The following NAALADL2 variants were observed in gnomAD, a reference collection of about 807,000 sequenced individuals.
NAALADL2 encodes the protein inactive N-acetylated-alpha-linked acidic dipeptidase-like protein 2.
A neutral mutation model predicts 87.2 loss-of-function variants in NAALADL2; 76 were observed. The observed-to-expected ratio is 0.87, with a 90% confidence interval of 0.72 to 1.05. The LOEUF is 1.05. Ranked by LOEUF, NAALADL2 falls within the 50% of genes least tolerant of loss-of-function variation. NAALADL2 has a pLI of 0.00. For missense variants in NAALADL2, 1,089 were observed against 945.8 expected, an observed-to-expected ratio of 1.15 and a Z score of -1.99; for synonymous variants, 354 against 331.0, an observed-to-expected ratio of 1.07 and a Z score of -0.75.
intron 1 of NAALADL2, among the ~76,000 whole-genome samples, chr3:174,486,940 T>C (rs565094087): frequency 1.3e-5 from 2 of 152,124 alleles, no homozygotes; most frequent in Non-Finnish European, 2.9e-5. Flanking sequence ...CACCTTCTTA[T>C]GCCCAACTTT....
At chr3:175,463,588 T>C in intron 7 of NAALADL2, 95 bp downstream of exon 7, 1 of 646,516 alleles carries the variant, frequency 1.5e-6, no homozygotes, top group Non-Finnish European at 2.4e-6. Context: ...AATATCCTAC[T>C]TGAGATATAA....
intron 4 of NAALADL2, among the ~76,000 whole-genome samples, chr3:175,310,350 A>G (rs1167090093): frequency 6.6e-6 from 1 of 152,040 alleles, no homozygotes; most frequent in Admixed American, 6.6e-5. Context: ...TTTATATATA[A>G]GAAAATTGGA....
intron 1 of NAALADL2, among the ~76,000 whole-genome samples, chr3:174,969,178 A>G (rs918961972): frequency 2.0e-5 from 3 of 151,980 alleles, no homozygotes; most frequent in African/African-American, 7.2e-5. Flanking sequence ...ACTTCATTTT[A>G]TTTCCCAGAG....
At chr3:175,068,565 G>A (rs73883329) in intron 1 of NAALADL2, among the ~76,000 whole-genome samples, 4,120 of 152,160 alleles carry the variant, frequency 0.027, 191 homozygotes, top group African/African-American at 0.095. Context: ...TTGGGAGGAC[G>A]TCTCTTGGGG....
In NAALADL2 at chr3:175,111,656, G is replaced by A. The variant is rs192174937; in HGVS notation, c.545+14365G>A. ...CTAAAGCAAAGGCTCAGACTTCAGC[G>A]GTGGTCTACACATGCCCTTAGCACA... On this transcript the variant is annotated intron_variant, in intron 2 of 13. Transcript: ENST00000454872. Among the ~76,000 whole-genome samples, 28 of 151,722 alleles carry A rather than the reference G, an allele frequency of 1.8e-4. 2 individuals are homozygous for A. In the East Asian group the frequency reaches 5.1e-3, roughly 27 times the overall value.
intron 3 of NAALADL2, among the ~76,000 whole-genome samples, chr3:175,248,020 C>T (rs1464623444): frequency 6.6e-6 from 1 of 152,166 alleles, no homozygotes; most frequent in Non-Finnish European, 1.5e-5. Flanking sequence ...AGCTCTGCAC[C>T]ATCTGCTTAA....
Position 175,447,386 on chromosome 3 carries a change from T to G in NAALADL2, c.1234+14T>G, listed in dbSNP as rs1253859369. On this transcript the variant is annotated intron_variant, in intron 6 of 13. Transcript: ENST00000454872. ...TTCCAAATAATGGTAAAGTATTTAATGTCGTTCTCTGTATTTTACAGTTTT... is the reference window on the plus strand; with the variant it reads ...TTCCAAATAATGGTAAAGTATTTAAGGTCGTTCTCTGTATTTTACAGTTTT... 3.3e-6 allele frequency: 5 copies of G among 1,522,324 alleles called. No individual in the cohort carries two copies. Among genetic ancestry groups the G allele is most frequent in the Non-Finnish European group, 4.4e-6 (5 of 1,133,906 alleles). The allele number at this position is 1,522,324 out of a possible 1,614,324, so 94.3% of individuals were successfully genotyped here.
intron 3 of NAALADL2, among the ~76,000 whole-genome samples, chr3:174,807,869 T>TTGTGTGTG (rs374956917): frequency 0.031 from 4,633 of 149,910 alleles, 198 homozygotes; most frequent in African/African-American, 0.1. Flanking sequence ...ATTATTTTCA[T>TTGTGTGTG]TGTGTGTGTG....
intron 9 of NAALADL2, among the ~76,000 whole-genome samples, chr3:175,496,117 C>T (rs1214230318): frequency 6.6e-6 from 1 of 151,958 alleles, no homozygotes; most frequent in East Asian, 1.9e-4. Context: ...TGAGATAATG[C>T]AAATAGTAAG....
intron 11 of NAALADL2, chr3:175,718,166 C>T (rs1006244586): frequency 1.8e-5 from 21 of 1,191,200 alleles, no homozygotes; most frequent in Middle Eastern, 3.0e-4. Flanking sequence ...CTGATTAAAT[C>T]GAATGGAGGG....
intron 13 of NAALADL2, among the ~76,000 whole-genome samples, chr3:175,768,337 C>T (rs1749018030): frequency 1.3e-5 from 2 of 152,204 alleles, no homozygotes; most frequent in Middle Eastern, 3.4e-3. Context: ...TCTCTCTCTC[C>T]GTGTACTCCC....
chr3:175,413,544 T>C (rs1298458496), intron 5 of NAALADL2, among the ~76,000 whole-genome samples: 1 of 130,162 alleles, frequency 7.7e-6, no homozygotes, highest in Non-Finnish European at 1.6e-5. Context: ...CACTCCAGCC[T>C]GGGCGACAGA....
At chr3:174,745,966 C>CAA (rs2109022516) in intron 3 of NAALADL2, among the ~76,000 whole-genome samples, 1 of 152,210 alleles carries the variant, frequency 6.6e-6, no homozygotes, top group Non-Finnish European at 1.5e-5. Context: ...AACCCACAAC[C>CAA]AATATCATTC....
intron 2 of NAALADL2, among the ~76,000 whole-genome samples, chr3:175,216,782 C>T (rs1366941789): frequency 6.6e-6 from 1 of 150,808 alleles, no homozygotes; most frequent in Non-Finnish European, 1.5e-5. Context: ...AATTCTCCTG[C>T]CTCAGCCTCC....
intron 6 of NAALADL2, among the ~76,000 whole-genome samples, chr3:175,454,429 G>A (rs925018725): frequency 2.0e-5 from 3 of 152,008 alleles, no homozygotes; most frequent in Non-Finnish European, 4.4e-5. Flanking sequence ...TCTTGGGAGG[G>A]AGGGGGAAGT....
intron 3 of NAALADL2, among the ~76,000 whole-genome samples, chr3:174,739,436 G>A (rs141914860): frequency 6.6e-6 from 1 of 152,048 alleles, no homozygotes; most frequent in East Asian, 1.9e-4. Context: ...AGAATTATAA[G>A]GAGCTAGGAT....
chr3:175,605,165 C>T (rs1307095284), intron 10 of NAALADL2, among the ~76,000 whole-genome samples: 1 of 152,168 alleles, frequency 6.6e-6, no homozygotes, highest in African/African-American at 2.4e-5. Context: ...GACCTCAATG[C>T]CACCAGACCC....
chr3:175,705,340 G>T (rs1393237083), intron 11 of NAALADL2, among the ~76,000 whole-genome samples: 1 of 152,074 alleles, frequency 6.6e-6, no homozygotes, highest in Non-Finnish European at 1.5e-5. Context: ...TGCAATATAT[G>T]ACTAGTTGGA....
chr3:174,790,100 C>G (rs146188247), intron 3 of NAALADL2, among the ~76,000 whole-genome samples: 1 of 152,296 alleles, frequency 6.6e-6, no homozygotes, highest in Non-Finnish European at 1.5e-5. Context: ...CAATTTTATG[C>G]ATTCCTGCAG....
Sources: allele counts gnomAD v4.1 joint callset (sites outside exome capture counted in the v4.1 genomes callset), GRCh38; gene constraint gnomAD v4.1.1; transcripts MANE v1.5; gene names NCBI Gene and HGNC (gene_info 2026-07-23, HGNC 2026-07-21).